DTNA: variants seen among roughly 807,000 people sequenced by gnomAD.
DTNA encodes dystrobrevin alpha.
In DTNA, 43 loss-of-function variants were observed where a neutral mutation model predicts 100.7. The ratio of observed to expected loss-of-function variants is 0.43; its 90% CI spans 0.33 to 0.55. The LOEUF is 0.55. DTNA is among the 20% of genes least tolerant of loss of function. DTNA has a pLI of 0.04. For missense variants in DTNA, 798 were observed against 953.9 expected (o/e 0.84, Z 2.15); for synonymous variants, 349 against 347.9 (o/e 1.00, Z -0.04).
At chr18:34,767,917 T>C (rs993148942) in intron 3 of DTNA, among the ~76,000 whole-genome samples, 27 of 152,126 alleles carry the variant, frequency 1.8e-4, no homozygotes, top group Non-Finnish European at 4.4e-5. Context: ...CTAAAATGAG[T>C]AGTGAGAAAA....
At chr18:34,645,542 G>GAT (rs2059735038) in intron 1 of DTNA, among the ~76,000 whole-genome samples, 1 of 152,080 alleles carries the variant, frequency 6.6e-6, no homozygotes, top group Admixed American at 6.5e-5. Context: ...AAAACCTACA[G>GAT]ATATGTATAA....
At chr18:34,815,766 C>G in intron 6 of DTNA, 143 bp from the exon 7 acceptor site, 1 of 751,900 alleles carries the variant, frequency 1.3e-6, no homozygotes, top group Non-Finnish European at 2.3e-6. Flanking sequence ...AGTTTAATAA[C>G]ACATTTGGCA....
At chr18:34,800,067 G>A (rs1009795898) in intron 4 of DTNA, among the ~76,000 whole-genome samples, 2 of 152,122 alleles carry the variant, frequency 1.3e-5, no homozygotes, top group Non-Finnish European at 2.9e-5. Flanking sequence ...TAAATTCAAA[G>A]CATCACATAA....
intron 1 of DTNA, among the ~76,000 whole-genome samples, chr18:34,686,212 G>C (rs1267742907): frequency 6.6e-6 from 1 of 152,156 alleles, no homozygotes; most frequent in Admixed American, 6.5e-5. Flanking sequence ...TCCTTGTCTT[G>C]TGCTGGTTTT....
At chr18:34,830,041 T>G (rs779657191) in intron 11 of DTNA, among the ~76,000 whole-genome samples, 1 of 152,224 alleles carries the variant, frequency 6.6e-6, no homozygotes, top group African/African-American at 2.4e-5. Flanking sequence ...CTCTATCACT[T>G]GATAATGCTG....
chr18:34,619,875 G>A (rs901786468), intron 1 of DTNA, among the ~76,000 whole-genome samples: 5 of 152,184 alleles, frequency 3.3e-5, no homozygotes, highest in African/African-American at 1.2e-4. Flanking sequence ...GTATCAGAAA[G>A]AAAAGAAGCA....
At chr18:34,581,105 C>T (rs996922259) in intron 1 of DTNA, among the ~76,000 whole-genome samples, 3 of 151,918 alleles carry the variant, frequency 2.0e-5, no homozygotes, top group East Asian at 1.9e-4. Flanking sequence ...AAAAATTAGC[C>T]GGGTGTGGTG....
chr18:34,882,357 G>A (rs945243316), intron 21 of DTNA, among the ~76,000 whole-genome samples, 156 bp downstream of exon 21: 1 of 151,986 alleles, frequency 6.6e-6, no homozygotes, highest in African/African-American at 2.4e-5. Flanking sequence ...CTTTTAGACA[G>A]TAAACATTTT....
At chr18:34,495,089 A>T (rs1190759625) in intron 1 of DTNA, among the ~76,000 whole-genome samples, 1 of 152,186 alleles carries the variant, frequency 6.6e-6, no homozygotes, top group Non-Finnish European at 1.5e-5. Context: ...CCAAGGTCAT[A>T]CATTTATTAA....
intron 1 of DTNA, among the ~76,000 whole-genome samples, chr18:34,648,391 T>A (rs1406234248): frequency 1.3e-5 from 2 of 152,150 alleles, no homozygotes; most frequent in Non-Finnish European, 2.9e-5. Context: ...GTAGAAGCAG[T>A]AAGTTTGACT....
intron 1 of DTNA, among the ~76,000 whole-genome samples, chr18:34,553,347 G>C (rs1036030213): frequency 1.3e-3 from 199 of 151,508 alleles, no homozygotes; most frequent in Middle Eastern, 3.4e-3. Context: ...CACTCTGATG[G>C]TAGTTTCTTT....
At chr18:34,497,065 CAA>C (rs72316793) in intron 1 of DTNA, among the ~76,000 whole-genome samples, 5,419 of 152,200 alleles carry the variant, frequency 0.036, 212 homozygotes, top group African/African-American at 0.094. Context: ...TGCCTATTTG[CAA>C]AGAGTTATTT....
At chr18:34,853,441 A>C (rs1023422628) in intron 15 of DTNA, among the ~76,000 whole-genome samples, 1 of 152,216 alleles carries the variant, frequency 6.6e-6, no homozygotes, top group African/African-American at 2.4e-5. Context: ...AAGAATAAAA[A>C]GGAGGGTGCA....
intron 5 of DTNA, among the ~76,000 whole-genome samples, chr18:34,807,542 G>A (rs1193850526): frequency 1.3e-5 from 2 of 152,164 alleles, no homozygotes; most frequent in African/African-American, 2.4e-5. Flanking sequence ...GGAAGACACA[G>A]AACACCTTTT....
chr18:34,507,815 G>T (rs954970777), intron 1 of DTNA, among the ~76,000 whole-genome samples: 1 of 152,162 alleles, frequency 6.6e-6, no homozygotes, highest in Admixed American at 6.6e-5. Context: ...CAGCTATACA[G>T]GGGATTGTGC....
At chr18:34,515,933 G>A (rs1210688150) in intron 1 of DTNA, among the ~76,000 whole-genome samples, 2 of 152,096 alleles carry the variant, frequency 1.3e-5, no homozygotes, top group African/African-American at 4.8e-5. Flanking sequence ...ATTTAAGAGA[G>A]AAGCTAAACA....
chr18:34,615,553 G>A (rs1389570370), intron 1 of DTNA, among the ~76,000 whole-genome samples: 3 of 152,086 alleles, frequency 2.0e-5, no homozygotes, highest in African/African-American at 7.2e-5. Context: ...ATTTTTTGGA[G>A]GTAAAGATTT....
At chr18:34,704,364 C>T (rs1188502904) in intron 1 of DTNA, among the ~76,000 whole-genome samples, 1 of 152,186 alleles carries the variant, frequency 6.6e-6, no homozygotes, top group Non-Finnish European at 1.5e-5. Flanking sequence ...GGCATTTCTC[C>T]ATAGAGCTTT....
At chr18:34,597,011 T>C (rs1332789234) in intron 1 of DTNA, among the ~76,000 whole-genome samples, 1 of 152,044 alleles carries the variant, frequency 6.6e-6, no homozygotes, top group African/African-American at 2.4e-5. Flanking sequence ...TAGCCCCCAA[T>C]TCCCTGACAG....
Sources: gnomAD v4.1 joint callset for allele counts (sites outside exome capture counted in the v4.1 genomes callset) on GRCh38, gnomAD v4.1.1 for gene constraint, MANE v1.5 for transcripts, NCBI Gene and HGNC (gene_info 2026-07-23, HGNC 2026-07-21) for gene names.